Variants in GRM7 observed in about 807,000 individuals in gnomAD.
GRM7 encodes glutamate metabotropic receptor 7.
GRM7 carries 35 observed loss-of-function variants against 84.5 expected under a neutral mutation model. The observed-to-expected ratio is 0.41, with a 90% CI of 0.32 to 0.55. The LOEUF (loss-of-function observed/expected upper bound fraction) is 0.55. Among genes scored for constraint, GRM7 ranks in the 20% least tolerant of loss-of-function variants. GRM7 has a pLI of 0.19. For missense variants in GRM7, 1,003 were observed against 1,194.6 expected (o/e 0.84, Z 2.36); for synonymous variants, 487 against 455.1 (o/e 1.07, Z -0.89).
chr3:7,563,663 C>T (rs532468606), intron 7 of GRM7, among the ~76,000 whole-genome samples: 95 of 152,242 alleles, frequency 6.2e-4, no homozygotes, highest in African/African-American at 2.1e-3. Context: ...CCAATCACTG[C>T]CCTTTGTTAG....
At position 7,311,597 on chromosome 3, in the gene GRM7, A is replaced by ATTTTT. The variant is rs35146664; in HGVS notation, c.1033+4955_1033+4959dup. Among the ~76,000 whole-genome samples, 66 of 144,450 alleles carry ATTTTT rather than the reference A, an allele frequency of 4.6e-4. 1 individual carries two copies. The highest frequency in any genetic ancestry group is 1.4e-3 in the African/African-American group (54 of 38,502). The allele number at this position is 144,450 out of a possible 152,430, so 94.8% of individuals were successfully genotyped here. A position where few individuals can be genotyped will look rare whatever the true frequency, so the allele number is the denominator to read the frequency against. On this transcript the variant is annotated intron_variant, in intron 4 of 9. Coordinates refer to ENST00000357716, the MANE Select transcript of GRM7 (RefSeq NM_000844.4). ...TCTTATGGCACTTGTGTTTCAATAC[A>ATTTTT]TTTTTTTTTTTTTTGGGATGGAGTC...
chr3:7,009,818 G>A (rs1324174214), intron 1 of GRM7, among the ~76,000 whole-genome samples: 3 of 152,226 alleles, frequency 2.0e-5, no homozygotes, highest in Non-Finnish European at 4.4e-5. Flanking sequence ...TCCTTGAGAT[G>A]GGCTTTGGGA....
At chr3:7,552,395 A>G (rs1020317418) in intron 7 of GRM7, among the ~76,000 whole-genome samples, 1 of 152,166 alleles carries the variant, frequency 6.6e-6, no homozygotes, top group African/African-American at 2.4e-5. Flanking sequence ...TCTGGAAGAC[A>G]GCGATCCTCT....
At chr3:7,010,503 G>T (rs1695334049) in intron 1 of GRM7, among the ~76,000 whole-genome samples, 1 of 152,194 alleles carries the variant, frequency 6.6e-6, no homozygotes, top group South Asian at 2.1e-4. Flanking sequence ...TGATCTAATA[G>T]GATTCTTGCT....
chr3:7,023,603 A>G (rs1040353451), intron 1 of GRM7, among the ~76,000 whole-genome samples: 2 of 152,190 alleles, frequency 1.3e-5, no homozygotes, highest in African/African-American at 4.8e-5. Context: ...TAGAAGTCCA[A>G]ATTCAAGGAG....
In GRM7 at chr3:7,486,308, G is replaced by T. The variant is rs990588152; in HGVS notation, c.1515+24586G>T. Among the ~76,000 whole-genome samples the T allele has an allele frequency of 2.0e-5, 3 of 152,034 alleles. No individual in the cohort carries two copies. Among genetic ancestry groups the T allele is most frequent in the African/African-American group, 7.2e-5 (3 of 41,380 alleles). ...GATAATGGCGATGATGGTGATAAAA[G>T]GTAGGAAGACTATTTTATTTGTTTC... On this transcript the variant is annotated intron_variant, in intron 7 of 9. Transcript: ENST00000357716. The surrounding 1 kb of genome is among the most constrained non-coding windows in gnomAD (Gnocchi z 5.5).
chr3:6,865,485 T>C (rs888552310), intron 1 of GRM7, among the ~76,000 whole-genome samples: 8 of 151,864 alleles, frequency 5.3e-5, no homozygotes, highest in African/African-American at 1.7e-4. Context: ...GAATAATATT[T>C]CCTGTGTAGT....
At chr3:7,109,487 A>G (rs1692770082) in intron 1 of GRM7, among the ~76,000 whole-genome samples, 1 of 152,074 alleles carries the variant, frequency 6.6e-6, no homozygotes, top group Non-Finnish European at 1.5e-5. Flanking sequence ...ACCCTTTGCT[A>G]TTTTGTGCTA....
At chr3:7,011,409 T>A (rs1695363618) in intron 1 of GRM7, among the ~76,000 whole-genome samples, 1 of 148,948 alleles carries the variant, frequency 6.7e-6, no homozygotes, top group East Asian at 2.0e-4. Flanking sequence ...ATAGCATTTT[T>A]AAGTTTATAT....
At position 7,486,194 on chromosome 3, in the gene GRM7, C is replaced by T. The variant is rs1429669553; in HGVS notation, c.1515+24472C>T. Reference sequence around the variant, plus strand: ...AAGTAGAAAAGAACAAGTAAAATGTCATGAGTTTTCATAATTTTTTGGTTC... The same window carrying T: ...AAGTAGAAAAGAACAAGTAAAATGTTATGAGTTTTCATAATTTTTTGGTTC... On this transcript the variant is annotated intron_variant, in intron 7 of 9. Coordinates refer to ENST00000357716, the MANE Select transcript of GRM7 (RefSeq NM_000844.4). This position sits in a 1 kb window ranked among gnomAD's most constrained non-coding sequence, Gnocchi z 5.5. Among the ~76,000 whole-genome samples the T allele has an allele frequency of 2.6e-5, 4 of 152,122 alleles. No individual in the cohort carries two copies. Among genetic ancestry groups the T allele is most frequent in the African/African-American group, 9.7e-5 (4 of 41,432 alleles).
At chr3:6,982,958 G>A (rs1694264131) in intron 1 of GRM7, among the ~76,000 whole-genome samples, 1 of 152,178 alleles carries the variant, frequency 6.6e-6, no homozygotes, top group African/African-American at 2.4e-5. Context: ...TGAGAATTTT[G>A]TATGAACATA....
At chr3:7,395,801 G>T (rs1695189178) in intron 4 of GRM7, among the ~76,000 whole-genome samples, 1 of 152,096 alleles carries the variant, frequency 6.6e-6, no homozygotes, top group Non-Finnish European at 1.5e-5. Context: ...CTAGTCTCAG[G>T]TATGTCTTTA....
intron 7 of GRM7, among the ~76,000 whole-genome samples, chr3:7,550,597 G>A (rs1208993717): frequency 6.8e-6 from 1 of 147,026 alleles, no homozygotes; most frequent in East Asian, 2.0e-4. Flanking sequence ...GTGTGTGTGT[G>A]TGTGTGTGTG....
intron 7 of GRM7, chr3:7,561,422 T>C: frequency 2.2e-6 from 1 of 446,722 alleles, no homozygotes; most frequent in Non-Finnish European, 4.5e-6. Flanking sequence ...ATACAGTGCA[T>C]GGAACACAGA....
At chr3:6,949,426 C>T (rs947281307) in intron 1 of GRM7, among the ~76,000 whole-genome samples, 1 of 152,142 alleles carries the variant, frequency 6.6e-6, no homozygotes, top group African/African-American at 2.4e-5. Flanking sequence ...GAGAGATCTG[C>T]TGTTAGTCTG....
intron 7 of GRM7, among the ~76,000 whole-genome samples, chr3:7,488,140 T>C (rs1347353646): frequency 6.6e-6 from 1 of 152,182 alleles, no homozygotes; most frequent in African/African-American, 2.4e-5. Context: ...AATGGGAATA[T>C]TTACCCTATG....
At chr3:6,881,686 A>G (rs1288446235) in intron 1 of GRM7, among the ~76,000 whole-genome samples, 2 of 152,196 alleles carry the variant, frequency 1.3e-5, no homozygotes, top group African/African-American at 4.8e-5. Flanking sequence ...GCATGAAAAA[A>G]AACTCAACAT....
chr3:7,101,201 C>A (rs1559441227), intron 1 of GRM7, among the ~76,000 whole-genome samples: 2 of 151,700 alleles, frequency 1.3e-5, no homozygotes, highest in Non-Finnish European at 3.0e-5. Flanking sequence ...ATAGTTGTAC[C>A]ATTTTTTTAT....
intron 8 of GRM7, among the ~76,000 whole-genome samples, chr3:7,665,130 C>T (rs1199442805): frequency 6.6e-6 from 1 of 150,720 alleles, no homozygotes; most frequent in East Asian, 1.9e-4. Context: ...GAATTGGACA[C>T]AGTTTCAACT....
Sources: allele counts gnomAD v4.1 joint callset (sites outside exome capture counted in the v4.1 genomes callset), GRCh38; gene constraint gnomAD v4.1.1; non-coding constraint Gnocchi (gnomAD v3.1); transcripts MANE v1.5; gene names NCBI Gene and HGNC (gene_info 2026-07-23, HGNC 2026-07-21).